Variants in FILIP1 observed in about 807,000 individuals in gnomAD.
FILIP1 encodes the protein filamin-A-interacting protein 1.
In FILIP1, 61 loss-of-function variants were observed where a neutral mutation model predicts 102.1. The ratio of observed to expected loss-of-function variants is 0.60; its 90% CI spans 0.49 to 0.74. The LOEUF is 0.74. Among genes scored for constraint, FILIP1 ranks in the 30% least tolerant of loss-of-function variants. The pLI, the probability that FILIP1 is intolerant of heterozygous loss-of-function variation, is 0.00. For synonymous variants in FILIP1, 491 were observed against 526.9 expected, an observed-to-expected ratio of 0.93 and a Z score of 0.93; for missense variants, 1,314 against 1,441.2, an observed-to-expected ratio of 0.91 and a Z score of 1.43.
chr6:75,297,378 T>C lies in FILIP1; in HGVS notation c.3494-1428A>G, dbSNP rs77512312. The stretch of plus-strand genomic sequence containing the variant: ...TGGTGTCGTTAACTTTACCTCATGA[T>C]GACCAATAGGTGGAGCTATTTCCAT... On this transcript the variant is annotated intron_variant, in intron 6 of 6. Coordinates refer to the FILIP1 transcript ENST00000393004. 6.2e-3 allele frequency among the ~76,000 whole-genome samples: 948 copies of C among 152,316 alleles called. 3 individuals are homozygous for C. The highest frequency in any genetic ancestry group is 9.1e-3 in the Non-Finnish European group (622 of 68,000).
intron 1 of FILIP1, among the ~76,000 whole-genome samples, chr6:75,475,561 G>A (rs1779450844): frequency 6.6e-6 from 1 of 151,946 alleles, no homozygotes; most frequent in Non-Finnish European, 1.5e-5. Context: ...ACTAAACGTG[G>A]CTCACATTTT....
chr6:75,369,318 C>A (rs1443039966), intron 2 of FILIP1, among the ~76,000 whole-genome samples: 1 of 152,176 alleles, frequency 6.6e-6, no homozygotes, highest in East Asian at 1.9e-4. Flanking sequence ...TGAATCTGGA[C>A]TTTTGCAAAC....
At chr6:75,361,975 G>T (rs1775186329) in intron 3 of FILIP1, 1 of 152,208 alleles carries the variant, frequency 6.6e-6, no homozygotes, top group South Asian at 2.1e-4. Context: ...AAACTGAGCT[G>T]ATCCAAAGGC....
chr6:75,456,541 C>CAA (rs143216125), intron 1 of FILIP1, among the ~76,000 whole-genome samples: 1 of 150,370 alleles, frequency 6.7e-6, no homozygotes, highest in Non-Finnish European at 1.5e-5. Context: ...TACACTCATA[C>CAA]AAAAGAGTAT....
At chr6:75,395,735 T>C (rs1776438936) in intron 2 of FILIP1, among the ~76,000 whole-genome samples, 1 of 152,208 alleles carries the variant, frequency 6.6e-6, no homozygotes, top group Admixed American at 6.5e-5. Flanking sequence ...GTGATTACAA[T>C]AAGACTCTAC....
At chr6:75,385,674 G>T (rs1776068552) in intron 2 of FILIP1, 1 of 152,090 alleles carries the variant, frequency 6.6e-6, no homozygotes. Context: ...AAGTCAACCA[G>T]GAACTGGTTG....
intron 2 of FILIP1, among the ~76,000 whole-genome samples, chr6:75,411,353 T>C (rs971817207): frequency 1.3e-5 from 2 of 152,270 alleles, no homozygotes; most frequent in Admixed American, 6.5e-5. Flanking sequence ...AAAATTTTCT[T>C]CCATTCTGTA....
intron 1 of FILIP1, among the ~76,000 whole-genome samples, chr6:75,444,134 C>T (rs958755199): frequency 6.6e-6 from 1 of 152,188 alleles, no homozygotes; most frequent in Non-Finnish European, 1.5e-5. Context: ...GCTTCTCTTT[C>T]AAAGGCAGCA....
At chr6:75,367,027 T>TGA (rs1775362244) in intron 2 of FILIP1, among the ~76,000 whole-genome samples, 1 of 152,222 alleles carries the variant, frequency 6.6e-6, no homozygotes, top group Admixed American at 6.5e-5. Flanking sequence ...TCATTTAAGC[T>TGA]ATTCAGTTTA....
chr6:75,385,283 T>G (rs1175586414), intron 2 of FILIP1, among the ~76,000 whole-genome samples: 4 of 152,304 alleles, frequency 2.6e-5, no homozygotes, highest in African/African-American at 9.6e-5. Context: ...TAGGAATTAA[T>G]TCATATGCTA....
intron 1 of FILIP1, among the ~76,000 whole-genome samples, chr6:75,469,540 A>C (rs1380373091): frequency 6.6e-6 from 1 of 152,090 alleles, no homozygotes; most frequent in African/African-American, 2.4e-5. Flanking sequence ...AAGAATGTGC[A>C]TTAGCTTGAA....
chr6:75,476,870 G>A (rs947798764), intron 1 of FILIP1, among the ~76,000 whole-genome samples: 1 of 152,140 alleles, frequency 6.6e-6, no homozygotes, highest in African/African-American at 2.4e-5. Context: ...GCTCCCTAGT[G>A]TCTGGTTTGA....
Position 75,314,204 on chromosome 6 carries a change from A to G in FILIP1, c.1628T>C (p.Val543Ala), listed in dbSNP as rs184146443. 24 of 1,558,594 alleles carry G rather than the reference A, an allele frequency of 1.5e-5. No homozygotes were observed. The East Asian group carries it at 4.9e-4, about 32-fold the overall frequency. The change falls in exon 5 of 6, where the codon GTA (valine) becomes GCA (alanine). Residue 543 changes from valine to alanine, a missense_variant. Val to Ala is a moderately conservative substitution (Grantham distance 64, BLOSUM62 0). This residue lies in a region of FILIP1 where 816 missense variants were observed against 913.1 expected (regional missense o/e 0.89). Coordinates refer to ENST00000237172, the MANE Select transcript of FILIP1 (RefSeq NM_015687.5). ...ACTTTCTTCAATTAGTTTTTCAGTTACATCCATAACTTTTCCTTGTTCCAC... is the reference window on the plus strand; with the variant it reads ...ACTTTCTTCAATTAGTTTTTCAGTTGCATCCATAACTTTTCCTTGTTCCAC... The part of the protein sequence containing the change: ...FKVEQGKVMD[V>A]TEKLIEESKK...
chr6:75,428,029 G>A (rs1387352591), intron 1 of FILIP1, among the ~76,000 whole-genome samples: 8 of 152,074 alleles, frequency 5.3e-5, no homozygotes, highest in East Asian at 3.9e-4. Context: ...AAATCATATC[G>A]CTAGCTTATT....
chr6:75,455,125 G>C (rs149110537), intron 1 of FILIP1: 1,573 of 152,466 alleles, frequency 0.01, 32 homozygotes, highest in African/African-American at 0.036. Flanking sequence ...TGGGGGGGTG[G>C]GGGGACAATG....
chr6:75,432,455 A>G (rs1041017949), intron 1 of FILIP1, among the ~76,000 whole-genome samples: 4 of 152,246 alleles, frequency 2.6e-5, no homozygotes, highest in Non-Finnish European at 5.9e-5. Context: ...AAGATAAATC[A>G]CAGAGAGAGC....
chr6:75,331,841 A>G (rs1052646118), intron 4 of FILIP1, among the ~76,000 whole-genome samples: 2 of 152,134 alleles, frequency 1.3e-5, no homozygotes, highest in African/African-American at 4.8e-5. Flanking sequence ...CAAAATTTGT[A>G]TATTAAAACC....
intron 1 of FILIP1, among the ~76,000 whole-genome samples, chr6:75,440,377 G>A (rs940296930): frequency 1.3e-5 from 2 of 152,156 alleles, no homozygotes; most frequent in Admixed American, 1.3e-4. Context: ...TAGGTTTACT[G>A]CCAAGCCTGT....
At chr6:75,491,777 AAT>A (rs1172322112) in intron 1 of FILIP1, among the ~76,000 whole-genome samples, 1 of 152,182 alleles carries the variant, frequency 6.6e-6, no homozygotes, top group Non-Finnish European at 1.5e-5. Flanking sequence ...CTCAAGAATA[AAT>A]GTACAACAAT....
Sources: allele counts gnomAD v4.1 joint callset (sites outside exome capture counted in the v4.1 genomes callset), GRCh38; gene constraint gnomAD v4.1.1; regional missense constraint gnomAD v4.1.1; transcripts MANE v1.5; gene names NCBI Gene and HGNC (gene_info 2026-07-23, HGNC 2026-07-21).